Variants in CCNB1 observed in about 807,000 individuals in gnomAD.
CCNB1 encodes the protein cyclin B1.
Under a neutral mutation model 44.4 loss-of-function variants are expected in CCNB1, and 26 were observed. The ratio of observed to expected loss-of-function variants is 0.59; its 90% CI spans 0.43 to 0.81. The LOEUF is 0.81. CCNB1 is among the 40% of genes least tolerant of loss of function. The pLI is 0.00. For missense variants in CCNB1, 477 were observed against 520.9 expected (o/e 0.92, Z 0.82); for synonymous variants, 195 against 181.4 (o/e 1.08, Z -0.60).
chr5:69,175,982 AATATATATATATATATATATATAT>A (rs68140968), intron 7 of CCNB1, among the ~76,000 whole-genome samples: 1 of 116,408 alleles, frequency 8.6e-6, no homozygotes, highest in Non-Finnish European at 1.7e-5. Flanking sequence ...AAATATATAA[AATATATATATATATATATATATAT>A]ATATATATAC....
At position 69,174,299 on chromosome 5, in the gene CCNB1, G is replaced by A; in HGVS notation, c.595G>A (p.Gly199Arg). ...ATACCTACTGGGTCGGGAAGTCACTGGAAACATGAGAGCCATCCTAATTGA... is the reference window on the plus strand; with the variant it reads ...ATACCTACTGGGTCGGGAAGTCACTAGAAACATGAGAGCCATCCTAATTGA... ...PKYLLGREVT[G>R]NMRAILIDWL... Residue 199 changes from glycine (G) to arginine (R), a missense_variant, in exon 5 of 9, where the codon GGA becomes AGA. By Grantham distance (125) the Gly-to-Arg change is moderately radical. Coordinates refer to ENST00000256442, the MANE Select transcript of CCNB1 (RefSeq NM_031966.4). The A allele has an allele frequency of 6.2e-7, 1 of 1,614,092 alleles. No individual in the cohort carries two copies. The highest frequency in any genetic ancestry group is 8.5e-7 in the Non-Finnish European group (1 of 1,179,986).
Position 69,167,177 on chromosome 5 carries a change from T to A in CCNB1, c.-86T>A. The stretch of plus-strand genomic sequence containing the variant: ...CGTGCTGCGGCGGAACGGCTGTTGG[T>A]TTCTGCTGGGTGTAGGTCCTTGGCT... On this transcript the variant is annotated 5_prime_UTR_variant, in exon 1 of 9. Coordinates refer to ENST00000256442, the MANE Select transcript of CCNB1 (RefSeq NM_031966.4). 8.3e-7 allele frequency: 1 copy of A among 1,199,804 alleles called. No individual in the cohort carries two copies. The allele number at this position is 1,199,804 out of a possible 1,614,324, so 74.3% of individuals were successfully genotyped here. A position where few individuals can be genotyped will look rare whatever the true frequency, so the allele number is the denominator to read the frequency against.
chr5:69,177,869 G>GTATA lies in CCNB1; in HGVS notation c.*240_*243dup. ...TGGTTTACCTGGGGATCCAATTGATGTATATGTTTATATACTGGGTTCTTG... is the reference window on the plus strand; with the variant it reads ...TGGTTTACCTGGGGATCCAATTGATGTATATATATGTTTATATACTGGGTTCTTG... On this transcript the variant is annotated 3_prime_UTR_variant, in exon 9 of 9. Coordinates refer to ENST00000256442, the MANE Select transcript of CCNB1 (RefSeq NM_031966.4). 2.3e-6 allele frequency: 1 copy of GTATA among 429,282 alleles called. No individual in the cohort carries two copies. Among genetic ancestry groups the GTATA allele is most frequent in the Non-Finnish European group, 4.2e-6 (1 of 240,314 alleles). 26.6% of individuals were successfully genotyped at this position (429,282 alleles called of 1,614,324 possible). A position where few individuals can be genotyped will look rare whatever the true frequency, so the allele number is the denominator to read the frequency against.
chr5:69,167,435 G>C, intron 1 of CCNB1, 152 bp downstream of exon 1: 1 of 761,110 alleles, frequency 1.3e-6, no homozygotes. Flanking sequence ...GCGCCGAGGT[G>C]GGCCCAGGCC....
At chr5:69,167,316 CTT>C in intron 1 of CCNB1, 33 bp downstream of exon 1, 1 of 1,602,486 alleles carries the variant, frequency 6.2e-7, no homozygotes, top group South Asian at 1.1e-5. Context: ...CTAACGCGGC[CTT>C]CTTAGCTGCT....
chr5:69,177,460 G>A (rs1747621300), intron 8 of CCNB1, 64 bp from the exon 9 acceptor site: 2 of 1,240,008 alleles, frequency 1.6e-6, no homozygotes, highest in Non-Finnish European at 1.2e-6. Flanking sequence ...ATGAATACCT[G>A]TATCATTGCA....
intron 7 of CCNB1, among the ~76,000 whole-genome samples, chr5:69,176,589 C>G (rs1216778476): frequency 6.7e-6 from 1 of 150,074 alleles, no homozygotes; most frequent in African/African-American, 2.4e-5. Flanking sequence ...CCAGGATGGT[C>G]TTGATCTCCT....
intron 4 of CCNB1, 90 bp from the exon 5 acceptor site, chr5:69,174,161 G>A: frequency 9.2e-7 from 1 of 1,082,058 alleles, no homozygotes; most frequent in African/African-American, 1.6e-5. Context: ...AAATGCCCCA[G>A]TGCTACTGTA....
At chr5:69,167,596 C>T in intron 1 of CCNB1, 1 of 502,188 alleles carries the variant, frequency 2.0e-6, no homozygotes, top group Non-Finnish European at 3.5e-6. Context: ...CCGCCAGCAA[C>T]TCTGTAACCC....
In CCNB1 at chr5:69,168,259, A is replaced by G; in HGVS notation, c.279A>G (p.Pro93=). 6.2e-7 allele frequency: 1 copy of G among 1,614,146 alleles called. No individual in the cohort carries two copies. Among genetic ancestry groups the G allele is most frequent in the South Asian group, 1.1e-5 (1 of 91,062 alleles). The change falls in exon 3 of 9, where the codon CCA becomes CCG. Residue 93 remains proline (P), a synonymous_variant. Coordinates refer to ENST00000256442, the MANE Select transcript of CCNB1 (RefSeq NM_031966.4). ...LEKVPMLVPV[P]VSEPVPEPEP... ...AGGTACCTATGCTGGTGCCAGTGCC[A>G]GTGTCTGAGCCAGTGCCAGAGCCAG... is the stretch of plus-strand genomic sequence containing the variant.
At position 69,174,300 on chromosome 5, in the gene CCNB1, G is replaced by A. The variant is rs1747528976; in HGVS notation, c.596G>A (p.Gly199Glu). 2.5e-6 allele frequency: 4 copies of A among 1,614,066 alleles called. No homozygotes were observed. The highest frequency in any genetic ancestry group is 3.4e-6 in the Non-Finnish European group (4 of 1,180,002). Residue 199 changes from glycine (G) to glutamate (E), a missense_variant, in exon 5 of 9, where the codon GGA becomes GAA. Transcript: ENST00000256442. ...TACCTACTGGGTCGGGAAGTCACTG[G>A]AAACATGAGAGCCATCCTAATTGAC... ...PKYLLGREVT[G>E]NMRAILIDWL...
At position 69,177,526 on chromosome 5, in the gene CCNB1, T is replaced by C; in HGVS notation, c.1197T>C (p.Thr399=). The change falls in exon 9 of 9, where the codon ACT becomes ACC. Residue 399 remains threonine, a splice_region_variant and synonymous_variant. Transcript: ENST00000256442. ...MVNQGLTKHM[T]VKNKYATSKH... is the part of the protein sequence containing the mutation. ...ATTGCTATCTTTTTGTCTTCCAGACTGTCAAGAACAAGTATGCCACATCGA... is the reference window on the plus strand; with the variant it reads ...ATTGCTATCTTTTTGTCTTCCAGACCGTCAAGAACAAGTATGCCACATCGA... 3 of 1,604,240 alleles carry C rather than the reference T, an allele frequency of 1.9e-6. No individual in the cohort carries two copies. The highest frequency in any genetic ancestry group is 2.6e-6 in the Non-Finnish European group (3 of 1,172,360).
At position 69,167,171 on chromosome 5, in the gene CCNB1, T is replaced by G; in HGVS notation, c.-92T>G. On this transcript the variant is annotated 5_prime_UTR_variant, in exon 1 of 9. Coordinates refer to ENST00000256442, the MANE Select transcript of CCNB1 (RefSeq NM_031966.4). Reference sequence around the variant, plus strand: ...TCTCGGCGTGCTGCGGCGGAACGGCTGTTGGTTTCTGCTGGGTGTAGGTCC... The same window carrying G: ...TCTCGGCGTGCTGCGGCGGAACGGCGGTTGGTTTCTGCTGGGTGTAGGTCC... The G allele has an allele frequency of 9.4e-7, 1 of 1,066,328 alleles. No homozygotes were observed. Among genetic ancestry groups the G allele is most frequent in the Non-Finnish European group, 1.3e-6 (1 of 746,494 alleles). The allele number at this position is 1,066,328 out of a possible 1,614,324, so 66.1% of individuals were successfully genotyped here.
chr5:69,177,130 A>G, intron 7 of CCNB1, 109 bp from the exon 8 acceptor site: 1 of 587,376 alleles, frequency 1.7e-6, no homozygotes, highest in Non-Finnish European at 3.0e-6. Flanking sequence ...AGTTATATTA[A>G]TTATACAGTA....
rs750008804 is a variant in CCNB1 at position 69,177,235 on chromosome 5, T to G, written c.1084-4T>G. ...GCATTTTTAACATTAACTTGTTGCC[T>G]TAGACACCAACTCTACAACATTACC... On this transcript the variant is annotated splice_region_variant and splice_polypyrimidine_tract_variant and intron_variant, in intron 7 of 8. Coordinates refer to ENST00000256442, the MANE Select transcript of CCNB1 (RefSeq NM_031966.4). 9.1e-6 allele frequency: 14 copies of G among 1,540,702 alleles called. No individual in the cohort carries two copies. The highest frequency in any genetic ancestry group is 1.7e-5 in the Admixed American group (1 of 58,372).
intron 5 of CCNB1, 48 bp downstream of exon 5, chr5:69,174,457 A>G: frequency 1.3e-6 from 2 of 1,580,086 alleles, no homozygotes; most frequent in Non-Finnish European, 1.7e-6. Flanking sequence ...TAGCCGAGTC[A>G]TAAGAAACTG....
chr5:69,171,312 G>T lies in CCNB1; in HGVS notation c.406G>T (p.Ala136Ser), dbSNP rs752972082. ...SPSPMETSGC[A>S]PAEEDLCQAF... ...AAGCCCAATGGAAACATCTGGATGTGCCCCTGCAGAAGAAGACCTGTGTCA... is the reference window on the plus strand; with the variant it reads ...AAGCCCAATGGAAACATCTGGATGTTCCCCTGCAGAAGAAGACCTGTGTCA... The change falls in exon 4 of 9, where the codon GCC becomes TCC. Residue 136 changes from alanine to serine, a missense_variant. Physicochemically the swap from Ala to Ser is moderately conservative, Grantham distance 99. Transcript: ENST00000256442. 6.2e-7 allele frequency: 1 copy of T among 1,613,402 alleles called. No homozygotes were observed. The highest frequency in any genetic ancestry group is 8.5e-7 in the Non-Finnish European group (1 of 1,179,844).
Position 69,177,565 on chromosome 5 carries a change from C to T in CCNB1, c.1236C>T (p.Ile412=), listed in dbSNP as rs759215509. 3 of 1,613,662 alleles carry T rather than the reference C, an allele frequency of 1.9e-6. No individual in the cohort carries two copies. Among genetic ancestry groups the T allele is most frequent in the Admixed American group, 3.3e-5 (2 of 59,990 alleles). The stretch of plus-strand genomic sequence containing the variant: ...ATGCCACATCGAAGCATGCTAAGAT[C>T]AGCACTCTACCACAGCTGAATTCTG... ...NKYATSKHAK[I]STLPQLNSAL... is the part of the protein sequence containing the mutation. Residue 412 remains isoleucine (I), a synonymous_variant, in exon 9 of 9, where the codon ATC becomes ATT. Coordinates refer to ENST00000256442, the MANE Select transcript of CCNB1 (RefSeq NM_031966.4).
intron 8 of CCNB1, 47 bp from the exon 9 acceptor site, chr5:69,177,477 G>A: frequency 7.6e-7 from 1 of 1,309,394 alleles, no homozygotes; most frequent in Non-Finnish European, 1.1e-6. Flanking sequence ...TGCATCTTGT[G>A]ATTTTTTTTC....
Sources: allele counts gnomAD v4.1 joint callset (sites outside exome capture counted in the v4.1 genomes callset), GRCh38; gene constraint gnomAD v4.1.1; transcripts MANE v1.5; gene names NCBI Gene and HGNC (gene_info 2026-07-23, HGNC 2026-07-21).